GALNTL5: variants seen among roughly 807,000 people sequenced by gnomAD.
The protein encoded by GALNTL5 is inactive polypeptide N-acetylgalactosaminyltransferase-like protein 5.
A neutral mutation model predicts 51.0 loss-of-function variants in GALNTL5; 44 were observed. The ratio of observed to expected loss-of-function variants is 0.86; its 90% CI spans 0.68 to 1.11. The LOEUF (loss-of-function observed/expected upper bound fraction) is 1.11, where lower values mean the gene tolerates loss of function less well. Among genes scored for constraint, GALNTL5 ranks in the 50% least tolerant of loss-of-function variants. GALNTL5 has a pLI of 0.00. For synonymous variants in GALNTL5, 192 were observed against 182.8 expected (o/e 1.05, Z -0.41); for missense variants, 528 against 531.8 (o/e 0.99, Z 0.07).
intron 3 of GALNTL5, among the ~76,000 whole-genome samples, chr7:151,973,212 T>G (rs997745154): frequency 5.3e-5 from 8 of 152,030 alleles, no homozygotes; most frequent in Admixed American, 1.3e-4. Context: ...ATCCCAGCAC[T>G]TTGGGAGGCT....
At chr7:151,957,483 A>G (rs1245215085) in intron 1 of GALNTL5, among the ~76,000 whole-genome samples, 1 of 151,064 alleles carries the variant, frequency 6.6e-6, no homozygotes, top group Non-Finnish European at 1.5e-5. Context: ...TGGGAAGTCA[A>G]GGCTGCAGTG....
intron 7 of GALNTL5, among the ~76,000 whole-genome samples, chr7:152,011,171 C>T (rs974455746): frequency 6.6e-6 from 1 of 152,170 alleles, no homozygotes; most frequent in Non-Finnish European, 1.5e-5. Context: ...CTTGAGACCC[C>T]ACCAGCTCAG....
At chr7:151,980,914 T>C (rs1399327874) in intron 3 of GALNTL5, among the ~76,000 whole-genome samples, 1 of 151,120 alleles carries the variant, frequency 6.6e-6, no homozygotes, top group African/African-American at 2.5e-5. Flanking sequence ...CCCGGCTAAA[T>C]TTTTGTATTT....
At chr7:152,016,997 C>T (rs1211276246) in intron 8 of GALNTL5, among the ~76,000 whole-genome samples, 6 of 149,060 alleles carry the variant, frequency 4.0e-5, no homozygotes, top group African/African-American at 1.5e-4. Flanking sequence ...AAGATCACAC[C>T]ACCGCACTCC....
chr7:152,002,293 A>C (rs954041647), intron 5 of GALNTL5, among the ~76,000 whole-genome samples: 47 of 152,010 alleles, frequency 3.1e-4, no homozygotes, highest in African/African-American at 1.0e-3. Flanking sequence ...AAAAAAAAAA[A>C]ACTTGAACTC....
intron 3 of GALNTL5, among the ~76,000 whole-genome samples, chr7:151,973,214 TG>T (rs2081168096): frequency 6.6e-6 from 1 of 151,282 alleles, no homozygotes; most frequent in Non-Finnish European, 1.5e-5. Flanking sequence ...CCCAGCACTT[TG>T]GGAGGCTAAG....
At chr7:151,962,079 T>C (rs1222649318) in intron 1 of GALNTL5, among the ~76,000 whole-genome samples, 1 of 150,226 alleles carries the variant, frequency 6.7e-6, no homozygotes, top group Non-Finnish European at 1.5e-5. Flanking sequence ...CTCGGCTCAC[T>C]GCAACCTCCA....
chr7:151,969,311 C>T (rs1290449214), intron 2 of GALNTL5, among the ~76,000 whole-genome samples: 3 of 152,112 alleles, frequency 2.0e-5, no homozygotes, highest in Non-Finnish European at 2.9e-5. Flanking sequence ...TTAGGTTTCA[C>T]ATTAAGGCCA....
intron 3 of GALNTL5, among the ~76,000 whole-genome samples, chr7:151,972,187 A>T (rs2081152903): frequency 6.6e-6 from 1 of 152,232 alleles, no homozygotes; most frequent in South Asian, 2.1e-4. Context: ...AAAAATGCTG[A>T]TAGTGATAAG....
intron 7 of GALNTL5, among the ~76,000 whole-genome samples, chr7:152,013,597 T>C (rs552232598): frequency 1.3e-5 from 2 of 152,314 alleles, no homozygotes; most frequent in African/African-American, 4.8e-5. Flanking sequence ...TTATGGCAAG[T>C]ATACTGTAAG....
intron 6 of GALNTL5, among the ~76,000 whole-genome samples, chr7:152,004,091 T>A (rs2081613736): frequency 6.6e-6 from 1 of 151,992 alleles, no homozygotes; most frequent in African/African-American, 2.4e-5. Context: ...ATATATATAG[T>A]GTGTCAATAT....
In GALNTL5 at chr7:152,019,913, A is replaced by T. The variant is rs1177729823; in HGVS notation, c.*112A>T. On this transcript the variant is annotated 3_prime_UTR_variant, in exon 9 of 9. Coordinates refer to ENST00000392800, the MANE Select transcript of GALNTL5 (RefSeq NM_145292.4). ...TCGTGGAATTACGTGAAATGCAATT[A>T]AAAAAATATGACCAGACGTGAGTGC... 1.8e-5 allele frequency: 16 copies of T among 908,356 alleles called. No individual in the cohort carries two copies. The highest frequency in any genetic ancestry group is 1.7e-4 in the South Asian group (9 of 54,204). The allele number at this position is 908,356 out of a possible 1,614,324, so 56.3% of individuals were successfully genotyped here. A position where few individuals can be genotyped will look rare whatever the true frequency, so the allele number is the denominator to read the frequency against.
At chr7:152,001,982 A>G (rs2081585865) in intron 5 of GALNTL5, among the ~76,000 whole-genome samples, 1 of 152,172 alleles carries the variant, frequency 6.6e-6, no homozygotes, top group Non-Finnish European at 1.5e-5. Flanking sequence ...TACTTTAACC[A>G]TGCCAATTAT....
chr7:152,018,110 C>G (rs2081842917), intron 8 of GALNTL5, among the ~76,000 whole-genome samples: 1 of 152,224 alleles, frequency 6.6e-6, no homozygotes, highest in African/African-American at 2.4e-5. Flanking sequence ...TCCCAAAGTG[C>G]TGGGATTACA....
intron 6 of GALNTL5, 31 bp downstream of exon 6, chr7:152,002,994 A>G: frequency 6.2e-7 from 1 of 1,602,056 alleles, no homozygotes. Flanking sequence ...GGAAAAATAT[A>G]GCATACGTGT....
intron 3 of GALNTL5, among the ~76,000 whole-genome samples, chr7:151,981,668 CT>C (rs2151946365): frequency 7.2e-6 from 1 of 138,942 alleles, no homozygotes; most frequent in Non-Finnish European, 1.5e-5. Context: ...CTCCCTCCCC[CT>C]CTTCTTTCTT....
At chr7:152,003,260 TA>T (rs2081605437) in intron 6 of GALNTL5, among the ~76,000 whole-genome samples, 1 of 152,196 alleles carries the variant, frequency 6.6e-6, no homozygotes, top group Admixed American at 6.5e-5. Context: ...TTCATTTGAC[TA>T]AAAGCTCAAG....
At chr7:151,958,309 T>A (rs986896491) in intron 1 of GALNTL5, among the ~76,000 whole-genome samples, 1 of 152,302 alleles carries the variant, frequency 6.6e-6, no homozygotes, top group South Asian at 2.1e-4. Context: ...CCATGGCTGG[T>A]CTGAGTGTGC....
At chr7:151,983,742 G>A (rs1273356518) in intron 4 of GALNTL5, among the ~76,000 whole-genome samples, 1 of 152,200 alleles carries the variant, frequency 6.6e-6, no homozygotes, top group East Asian at 1.9e-4. Flanking sequence ...TGAATGATGA[G>A]TTGTAATGAT....
Sources: allele counts gnomAD v4.1 joint callset (sites outside exome capture counted in the v4.1 genomes callset), GRCh38; gene constraint gnomAD v4.1.1; transcripts MANE v1.5; gene names NCBI Gene and HGNC (gene_info 2026-07-23, HGNC 2026-07-21).